The following PCARE variants were observed in gnomAD, a reference collection of about 807,000 sequenced individuals.
PCARE encodes uncharacterized protein C2orf71.
Under a neutral mutation model 82.2 loss-of-function variants are expected in PCARE, and 72 were observed. The observed-to-expected ratio is 0.88, with a 90% CI of 0.72 to 1.07. The LOEUF (loss-of-function observed/expected upper bound fraction) is 1.07, where lower values mean the gene tolerates loss of function less well. Among genes scored for constraint, PCARE ranks in the 50% least tolerant of loss-of-function variants. PCARE has a pLI of 0.00. For synonymous variants in PCARE, 705 were observed against 634.8 expected (o/e 1.11, Z -1.66); for missense variants, 1,768 against 1,592.4 (o/e 1.11, Z -1.88).
Position 29,072,317 on chromosome 2 carries a change from C to T in PCARE, c.1945G>A (p.Val649Met), listed in dbSNP as rs376195796. 3.2e-5 allele frequency: 52 copies of T among 1,614,036 alleles called. No individual in the cohort carries two copies. In the African/African-American group the frequency reaches 4.7e-4, roughly 14 times the overall value. ...EQILQPRAAA[V>M]WPNGTCRVSP... ...ACCCTGCAGGTGCCATTGGGCCACA[C>T]GGCGGCTGCTCTGGGCTGCAGAATT... The change falls in exon 1 of 2, where the codon GTG (valine) becomes ATG (methionine). Residue 649 changes from valine to methionine, a missense_variant. Physicochemically the swap from Val to Met is conservative, Grantham distance 21. Transcript: ENST00000331664.
rs780881657 is a variant in PCARE at position 29,071,626 on chromosome 2, G to C, written c.2636C>G (p.Ser879Cys). 9 of 1,613,554 alleles carry C rather than the reference G, an allele frequency of 5.6e-6. No homozygotes were observed. The highest frequency in any genetic ancestry group is 3.3e-5 in the Admixed American group (2 of 60,006). The change falls in exon 1 of 2, where the codon TCC (serine) becomes TGC (cysteine). Residue 879 changes from serine to cysteine, a missense_variant. Physicochemically the swap from Ser to Cys is moderately radical, Grantham distance 112. Coordinates refer to ENST00000331664, the MANE Select transcript of PCARE (RefSeq NM_001029883.3). ...EAGPTRRTWA[S>C]PKLRASVSPL... ...GCTCACAGAGGCCCTCAGCTTTGGG[G>C]AAGCCCATGTTCTCCTGGTGGGGCC...
chr2:29,068,453 T>C (rs566890526), intron 1 of PCARE, among the ~76,000 whole-genome samples: 3 of 152,348 alleles, frequency 2.0e-5, no homozygotes, highest in African/African-American at 7.2e-5. Flanking sequence ...TATGCAAAGA[T>C]AGCAAGGACC....
At position 29,071,361 on chromosome 2, in the gene PCARE, A is replaced by G. The variant is rs780884517; in HGVS notation, c.2901T>C (p.Ser967=). 1.2e-5 allele frequency: 19 copies of G among 1,613,576 alleles called. No homozygotes were observed. Among genetic ancestry groups the G allele is most frequent in the African/African-American group, 4.0e-5 (3 of 74,918 alleles). The change falls in exon 1 of 2, where the codon TCT becomes TCC. Residue 967 remains serine, a synonymous_variant. Coordinates refer to ENST00000331664, the MANE Select transcript of PCARE (RefSeq NM_001029883.3). ...AIAWHHSGPP[S]GQNRTSESSL... is the part of the protein sequence containing the mutation. ...TGGACTCTGAGGTCCTGTTTTGTCC[A>G]GATGGAGGGCCGGAGTGGTGCCAGG... is the stretch of plus-strand genomic sequence containing the variant.
Position 29,072,186 on chromosome 2 carries a change from A to G in PCARE, c.2076T>C (p.Pro692=). The G allele has an allele frequency of 1.2e-6, 2 of 1,614,210 alleles. No individual in the cohort carries two copies. Among genetic ancestry groups the G allele is most frequent in the Non-Finnish European group, 1.7e-6 (2 of 1,180,042 alleles). ...KSILQKCNPH[P]EDEQGKAGKL... is the part of the protein sequence containing the mutation. ...TCCCAGCTTTGCCTTGTTCGTCCTC[A>G]GGATGGGGATTGCATTTCTGCAAGA... Residue 692 remains proline, a synonymous_variant, in exon 1 of 2, where the codon CCT becomes CCC. Transcript: ENST00000331664.
In PCARE at chr2:29,072,124, T is replaced by C. The variant is rs750458396; in HGVS notation, c.2138A>G (p.Glu713Gly). ...PNAIPSGEVSEAAKATDWNVR... is the reference protein window; with the variant it reads ...PNAIPSGEVSGAAKATDWNVR... Reference sequence around the variant, plus strand: ...ATTCCAGTCTGTGGCCTTGGCAGCCTCACTGACCTCTCCTGATGGGATGGC... The same window carrying C: ...ATTCCAGTCTGTGGCCTTGGCAGCCCCACTGACCTCTCCTGATGGGATGGC... Residue 713 changes from glutamate (E) to glycine (G), a missense_variant, in exon 1 of 2, where the codon GAG becomes GGG. Glu to Gly is a moderately conservative substitution (Grantham distance 98). Coordinates refer to ENST00000331664, the MANE Select transcript of PCARE (RefSeq NM_001029883.3). 1.9e-5 allele frequency: 30 copies of C among 1,614,112 alleles called. 1 individual carries two copies. The highest frequency in any genetic ancestry group is 1.6e-4 in the Middle Eastern group (1 of 6,084).
intron 1 of PCARE, among the ~76,000 whole-genome samples, chr2:29,070,149 G>T (rs963700879): frequency 1.3e-5 from 2 of 152,064 alleles, no homozygotes; most frequent in Non-Finnish European, 2.9e-5. Flanking sequence ...TGTGCAGAAC[G>T]TGCAGGTTTG....
At position 29,070,986 on chromosome 2, in the gene PCARE, TG is replaced by T; in HGVS notation, c.3275del (p.Pro1092GlnfsTer21). 1 of 1,368,802 alleles carries T rather than the reference TG, an allele frequency of 7.3e-7. No homozygotes were observed. 84.8% of individuals were successfully genotyped at this position (1,368,802 alleles called of 1,614,324 possible). On this transcript the variant is annotated frameshift_variant, in exon 1 of 2. Coordinates refer to ENST00000331664, the MANE Select transcript of PCARE (RefSeq NM_001029883.3). LOFTEE classifies it high-confidence loss of function. ...CCTTGTGCTCCTGAGAAGGGGACAT[TG>T]GGGGTGATGGGGAGGGAATCGAGAA... Reference protein sequence around the residue: ...PPFSIPSPSPPMSPSQEHKET... With the variant: ...PPFSIPSPSPXMSPSQEHKET...
rs918929951 is a variant in PCARE, at chr2:29,070,923, G to A, written c.3339C>T (p.Ala1113=). ...TGGAATGTGTGTTCCCAGACACTTTGGCTATGACTGCTTGGCTGTCTTCAG... is the reference window on the plus strand; with the variant it reads ...TGGAATGTGTGTTCCCAGACACTTTAGCTATGACTGCTTGGCTGTCTTCAG... The part of the protein sequence containing the change: ...RDSEDSQAVI[A]KVSGNTHSIF... The change falls in exon 1 of 2, where the codon GCC becomes GCT. Residue 1113 remains alanine (A), a synonymous_variant. Transcript: ENST00000331664. 5 of 1,613,842 alleles carry A rather than the reference G, an allele frequency of 3.1e-6. No individual in the cohort carries two copies. The highest frequency in any genetic ancestry group is 4.2e-6 in the Non-Finnish European group (5 of 1,180,034).
rs777561961 is a variant in PCARE at position 29,073,579 on chromosome 2, T to A, written c.683A>T (p.Glu228Val). 2 of 1,614,002 alleles carry A rather than the reference T, an allele frequency of 1.2e-6. No homozygotes were observed. Among genetic ancestry groups the A allele is most frequent in the African/African-American group, 2.7e-5 (2 of 74,902 alleles). ...MVSFLLLCFE[E>V]ISQLLGEISK... ...GATCTCCCCCAACAGCTGGCTGATCTCCTCAAAGCACAGCAGCAAGAAGCT... is the reference window on the plus strand; with the variant it reads ...GATCTCCCCCAACAGCTGGCTGATCACCTCAAAGCACAGCAGCAAGAAGCT... Residue 228 changes from glutamate (E) to valine (V), a missense_variant, in exon 1 of 2, where the codon GAG becomes GTG. Glu to Val is a moderately radical substitution (Grantham distance 121). Coordinates refer to ENST00000331664, the MANE Select transcript of PCARE (RefSeq NM_001029883.3).
At position 29,070,631 on chromosome 2, in the gene PCARE, T is replaced by TG. The variant is rs1444810928; in HGVS notation, c.3630dup (p.Thr1211HisfsTer6). The TG allele has an allele frequency of 6.2e-7, 1 of 1,613,962 alleles. No individual in the cohort carries two copies. The highest frequency in any genetic ancestry group is 1.3e-5 in the African/African-American group (1 of 75,030). On this transcript the variant is annotated frameshift_variant, in exon 1 of 2. Coordinates refer to ENST00000331664, the MANE Select transcript of PCARE (RefSeq NM_001029883.3). LOFTEE classifies it low-confidence loss of function (END_TRUNC). Reference sequence around the variant, plus strand: ...AGCTGGGATTCATAAGAGGTGCTGGTGGGGTCCAAGGTGGGAGGCTGCGGT... The same window carrying TG: ...AGCTGGGATTCATAAGAGGTGCTGGTGGGGGTCCAAGGTGGGAGGCTGCGGT...
At chr2:29,067,435 G>T (rs899501870) in intron 1 of PCARE, among the ~76,000 whole-genome samples, 9 of 152,172 alleles carry the variant, frequency 5.9e-5, no homozygotes, top group African/African-American at 1.7e-4. Flanking sequence ...GTGTGGGAAG[G>T]CTTACAGCTG....
At position 29,073,179 on chromosome 2, in the gene PCARE, C is replaced by T. The variant is rs371395617; in HGVS notation, c.1083G>A (p.Ser361=). ...GIGADNESVQ[S]VDKLGKQTSW... ...TGGTTTGCTTGCCCAGCTTGTCCAC[C>T]GACTGCACGGACTCATTGTCAGCAC... The change falls in exon 1 of 2, where the codon TCG becomes TCA. Residue 361 remains serine (S), a synonymous_variant. Transcript: ENST00000331664. 3 of 1,614,042 alleles carry T rather than the reference C, an allele frequency of 1.9e-6. No individual in the cohort carries two copies. Among genetic ancestry groups the T allele is most frequent in the African/African-American group, 1.3e-5 (1 of 74,906 alleles).
chr2:29,073,560 C>A lies in PCARE; in HGVS notation c.702G>T (p.Gly234=). ...GCACTTCTCCATCCTTGGAGATCTC[C>A]CCCAACAGCTGGCTGATCTCCTCAA... is the stretch of plus-strand genomic sequence containing the variant. ...LCFEEISQLL[G]EISKDGEVLL... is the part of the protein sequence containing the mutation. The change falls in exon 1 of 2, where the codon GGG becomes GGT. Residue 234 remains glycine (G), a synonymous_variant. Transcript: ENST00000331664. 1 of 1,614,142 alleles carries A rather than the reference C, an allele frequency of 6.2e-7. No homozygotes were observed. Among genetic ancestry groups the A allele is most frequent in the South Asian group, 1.1e-5 (1 of 91,072 alleles).
intron 1 of PCARE, among the ~76,000 whole-genome samples, chr2:29,068,384 A>G (rs1667421447): frequency 6.6e-6 from 1 of 152,224 alleles, no homozygotes; most frequent in South Asian, 2.1e-4. Context: ...ACAGATTGTG[A>G]AGTCTGCAAA....
In PCARE at chr2:29,071,876, T is replaced by C. The variant is rs1667494520; in HGVS notation, c.2386A>G (p.Ile796Val). The C allele has an allele frequency of 6.2e-7, 1 of 1,614,248 alleles. No homozygotes were observed. Among genetic ancestry groups the C allele is most frequent in the African/African-American group, 1.3e-5 (1 of 75,062 alleles). Reference sequence around the variant, plus strand: ...ATAGGTGCTAAGGGCTTCCAGCCTATGCCCATTTTGAGAGATTCTCTGCCT... The same window carrying C: ...ATAGGTGCTAAGGGCTTCCAGCCTACGCCCATTTTGAGAGATTCTCTGCCT... Reference protein sequence around the residue: ...ASGRESLKMGIGWKPLAPIFP... With the variant: ...ASGRESLKMGVGWKPLAPIFP... Residue 796 changes from isoleucine (I) to valine (V), a missense_variant, in exon 1 of 2, where the codon ATA (isoleucine) becomes GTA (valine). Ile to Val is a conservative substitution (Grantham distance 29). Coordinates refer to ENST00000331664, the MANE Select transcript of PCARE (RefSeq NM_001029883.3).
Position 29,074,335 on chromosome 2 carries a change from G to A in PCARE, c.-74C>T. 1 of 1,465,922 alleles carries A rather than the reference G, an allele frequency of 6.8e-7. No homozygotes were observed. Among genetic ancestry groups the A allele is most frequent in the South Asian group, 1.4e-5 (1 of 71,240 alleles). 90.8% of individuals were successfully genotyped at this position (1,465,922 alleles called of 1,614,324 possible). A position where few individuals can be genotyped will look rare whatever the true frequency, so the allele number is the denominator to read the frequency against. On this transcript the variant is annotated 5_prime_UTR_variant, in exon 1 of 2. Coordinates refer to ENST00000331664, the MANE Select transcript of PCARE (RefSeq NM_001029883.3). ...ATCATATTTGAAATAGGAACAAAAG[G>A]CAATCTTACTAGTCCATCCAGGCAA...
Position 29,067,514 on chromosome 2 carries a change from C to T in PCARE, c.3669-2447G>A, listed in dbSNP as rs138983040. On this transcript the variant is annotated intron_variant, in intron 1 of 1. Coordinates refer to ENST00000331664, the MANE Select transcript of PCARE (RefSeq NM_001029883.3). The stretch of plus-strand genomic sequence containing the variant: ...CAACCTTCCACGTGACCTTGGGAAG[C>T]GTCCTGTTTATGAACCCTCCCCTCT... Among the ~76,000 whole-genome samples the T allele has an allele frequency of 1.6e-4, 24 of 152,128 alleles. No homozygotes were observed. In the East Asian group the frequency reaches 3.3e-3, roughly 21 times the overall value.
Position 29,062,947 on chromosome 2 carries a change from C to T in PCARE, c.*1922G>A, listed in dbSNP as rs141387162. ...CCCTAAATCTGAGCCCAGGCAGGGC[C>T]CACTTTCTGAGCAGTCCCACCTGAA... On this transcript the variant is annotated 3_prime_UTR_variant, in exon 2 of 2. Coordinates refer to ENST00000331664, the MANE Select transcript of PCARE (RefSeq NM_001029883.3). 1 of 152,380 alleles carries T rather than the reference C, an allele frequency of 6.6e-6. No individual in the cohort carries two copies. The highest frequency in any genetic ancestry group is 1.9e-4 in the East Asian group (1 of 5,190). The allele number at this position is 152,380 out of a possible 1,614,324, so 9.4% of individuals were successfully genotyped here.
rs78874550 is a variant in PCARE, at chr2:29,070,867, T to G, written c.3395A>C (p.Glu1132Ala). The change falls in exon 1 of 2, where the codon GAA becomes GCA. Residue 1132 changes from glutamate to alanine, a missense_variant. Coordinates refer to ENST00000331664, the MANE Select transcript of PCARE (RefSeq NM_001029883.3). ...IFCPATSSLF[E>A]AKPPLSTAHP... ...GGCTGTTGAGAGTGGCGGTTTAGCT[T>G]CAAACAGAGAGGAGGTAGCTGGGCA... 1.5e-3 allele frequency: 2,439 copies of G among 1,613,800 alleles called. 37 individuals carry two copies. Among genetic ancestry groups the G allele is most frequent in the South Asian group, 0.015 (1,336 of 91,078 alleles).
Sources: allele counts gnomAD v4.1 joint callset (sites outside exome capture counted in the v4.1 genomes callset), GRCh38; gene constraint gnomAD v4.1.1; transcripts MANE v1.5; gene names NCBI Gene and HGNC (gene_info 2026-07-23, HGNC 2026-07-21).